PRKCE: variants seen among roughly 807,000 people sequenced by gnomAD.
The protein encoded by PRKCE is protein kinase C epsilon.
Under a neutral mutation model 85.4 loss-of-function variants are expected in PRKCE, and 16 were observed. The ratio of observed to expected loss-of-function variants is 0.19; its 90% CI spans 0.13 to 0.28. The LOEUF is 0.28. Among genes scored for constraint, PRKCE ranks in the 10% least tolerant of loss-of-function variants. The pLI, the probability that PRKCE is intolerant of heterozygous loss-of-function variation, is 1.00. For synonymous variants in PRKCE, 388 were observed against 371.5 expected (o/e 1.04, Z -0.51); for missense variants, 573 against 975.2 (o/e 0.59, Z 5.49).
At chr2:45,953,311 A>C (rs1310067942) in intron 2 of PRKCE, among the ~76,000 whole-genome samples, 2 of 152,124 alleles carry the variant, frequency 1.3e-5, no homozygotes, top group Non-Finnish European at 1.5e-5. Context: ...TGACCTACCC[A>C]CGGGTCACAT....
Position 46,116,607 on chromosome 2 carries a change from A to T in PRKCE, c.1593-28486A>T, listed in dbSNP as rs17034542. Among the ~76,000 whole-genome samples the T allele has an allele frequency of 4.5e-3, 681 of 152,084 alleles. 8 individuals are homozygous for T. In the East Asian group the frequency reaches 0.054, roughly 12 times the overall value. On this transcript the variant is annotated intron_variant, in intron 11 of 14. Transcript: ENST00000306156. ...TCAAGTGGGTCCTTGGATTGATGGG[A>T]TTTGGTCTGTGTAGCCTTCATTTGC...
intron 11 of PRKCE, among the ~76,000 whole-genome samples, chr2:46,129,111 A>C (rs965096561): frequency 2.6e-5 from 4 of 152,162 alleles, no homozygotes; most frequent in Non-Finnish European, 5.9e-5. Flanking sequence ...CAGATTTGTC[A>C]TCTTTAAAAT....
At chr2:45,665,534 G>A (rs969773839) in intron 1 of PRKCE, among the ~76,000 whole-genome samples, 2 of 152,106 alleles carry the variant, frequency 1.3e-5, no homozygotes, top group Non-Finnish European at 1.5e-5. Context: ...GAGTCACCAC[G>A]TCTTGAAGTA....
chr2:46,109,910 T>A (rs1482636189), intron 11 of PRKCE, among the ~76,000 whole-genome samples: 1 of 152,092 alleles, frequency 6.6e-6, no homozygotes. Flanking sequence ...TTATAATGAA[T>A]GGGTATTGGA....
At chr2:45,776,613 C>T (rs934797184) in intron 1 of PRKCE, among the ~76,000 whole-genome samples, 21 of 152,216 alleles carry the variant, frequency 1.4e-4, no homozygotes, top group Admixed American at 1.2e-3. Flanking sequence ...TTAATCAAGA[C>T]CTGCCTGTGA....
intron 2 of PRKCE, among the ~76,000 whole-genome samples, chr2:45,967,652 A>G (rs1043204429): frequency 1.3e-5 from 2 of 152,168 alleles, no homozygotes; most frequent in African/African-American, 4.8e-5. Context: ...AATGAAGGAA[A>G]TAACAAAATT....
At chr2:45,735,826 C>T (rs1171016201) in intron 1 of PRKCE, among the ~76,000 whole-genome samples, 12 of 152,132 alleles carry the variant, frequency 7.9e-5, no homozygotes, top group Non-Finnish European at 1.6e-4. Flanking sequence ...GGATAAAGGC[C>T]AAGGCTTTCA....
intron 1 of PRKCE, among the ~76,000 whole-genome samples, chr2:45,759,791 T>C (rs1000317545): frequency 3.3e-5 from 5 of 152,176 alleles, no homozygotes; most frequent in Non-Finnish European, 5.9e-5. Flanking sequence ...AGTAAATGCT[T>C]AGGAGTCCGG....
chr2:45,652,958 G>A lies in PRKCE; in HGVS notation c.348+510G>A, dbSNP rs1251047423. On this transcript the variant is annotated intron_variant, in intron 1 of 14. Transcript: ENST00000306156. The surrounding 1 kb of genome is among the most constrained non-coding windows in gnomAD (Gnocchi z 7.7). ...GCTTGTTTCTATTCTCTTGCATGGTGGTTAGCTCATCTTCTGACATACAAG... is the reference window on the plus strand; with the variant it reads ...GCTTGTTTCTATTCTCTTGCATGGTAGTTAGCTCATCTTCTGACATACAAG... Among the ~76,000 whole-genome samples the A allele has an allele frequency of 6.6e-6, 1 of 152,036 alleles. No individual in the cohort carries two copies. Among genetic ancestry groups the A allele is most frequent in the Non-Finnish European group, 1.5e-5 (1 of 68,016 alleles).
intron 11 of PRKCE, among the ~76,000 whole-genome samples, chr2:46,123,445 T>C (rs1204263321): frequency 2.6e-5 from 4 of 152,060 alleles, no homozygotes; most frequent in Non-Finnish European, 1.5e-5. Flanking sequence ...TCTTAGAATC[T>C]TTGAGATCAC....
At chr2:45,949,646 GTTTA>G (rs1028699430) in intron 2 of PRKCE, among the ~76,000 whole-genome samples, 3 of 151,276 alleles carry the variant, frequency 2.0e-5, no homozygotes, top group African/African-American at 7.3e-5. Flanking sequence ...ATGCTTTCCT[GTTTA>G]TTTTTTAAAT....
At chr2:45,730,638 T>G (rs1402891765) in intron 1 of PRKCE, among the ~76,000 whole-genome samples, 1 of 151,718 alleles carries the variant, frequency 6.6e-6, no homozygotes, top group Non-Finnish European at 1.5e-5. Flanking sequence ...TTTTGTATTT[T>G]TAGTACAGAC....
intron 2 of PRKCE, among the ~76,000 whole-genome samples, chr2:45,925,587 C>T (rs531475012): frequency 8.5e-5 from 13 of 152,300 alleles, no homozygotes; most frequent in Admixed American, 2.0e-4. Context: ...TGAACCACCG[C>T]GCCCGGCCAA....
At chr2:45,759,878 A>C (rs1321984847) in intron 1 of PRKCE, among the ~76,000 whole-genome samples, 1 of 152,208 alleles carries the variant, frequency 6.6e-6, no homozygotes, top group Non-Finnish European at 1.5e-5. Flanking sequence ...CTTCTGTTGC[A>C]GGTGATGGAT....
intron 6 of PRKCE, among the ~76,000 whole-genome samples, chr2:45,992,127 G>A (rs1703849492): frequency 6.6e-6 from 1 of 152,188 alleles, no homozygotes; most frequent in South Asian, 2.1e-4. Flanking sequence ...ATAAGTGTGA[G>A]CAATTTACAG....
chr2:45,894,844 T>G (rs1459556477), intron 2 of PRKCE, among the ~76,000 whole-genome samples: 1 of 152,170 alleles, frequency 6.6e-6, no homozygotes, highest in African/African-American at 2.4e-5. Flanking sequence ...TGCCCCAGCC[T>G]CCCGAGTAGT....
chr2:45,880,497 T>C (rs1028306826), intron 2 of PRKCE, among the ~76,000 whole-genome samples: 1 of 152,216 alleles, frequency 6.6e-6, no homozygotes, highest in Non-Finnish European at 1.5e-5. Context: ...CCCAATCTTA[T>C]CTTAGGTCTC....
chr2:46,001,507 C>G lies in PRKCE; in HGVS notation c.927C>G (p.Thr309=). The G allele has an allele frequency of 1.3e-6, 2 of 1,599,158 alleles. No individual in the cohort carries two copies. The highest frequency in any genetic ancestry group is 1.7e-6 in the Non-Finnish European group (2 of 1,179,692). The stretch of plus-strand genomic sequence containing the variant: ...AAGTACTGGCCGACCTGGGCGTTAC[C>G]CCAGACAAAATCACCAACAGCGGCC... ...IAKVLADLGV[T]PDKITNSGQR... Residue 309 remains threonine (T), a synonymous_variant, in exon 7 of 15, where the codon ACC becomes ACG. Transcript: ENST00000306156. The surrounding 1 kb of genome is among the most constrained non-coding windows in gnomAD (Gnocchi z 4.4).
At chr2:45,828,399 CA>C (rs1397347568) in intron 1 of PRKCE, among the ~76,000 whole-genome samples, 2 of 151,984 alleles carry the variant, frequency 1.3e-5, no homozygotes, top group East Asian at 1.9e-4. Context: ...GACTCCGTCT[CA>C]AAAAAATAAA....
Sources: gnomAD v4.1 joint callset for allele counts (sites outside exome capture counted in the v4.1 genomes callset) on GRCh38, gnomAD v4.1.1 for gene constraint, Gnocchi (gnomAD v3.1) non-coding constraint, MANE v1.5 for transcripts, NCBI Gene and HGNC (gene_info 2026-07-23, HGNC 2026-07-21) for gene names.